Variants in ZNF235 observed in about 807,000 individuals in gnomAD.
ZNF235 encodes zinc finger protein 235, also known as zfp-93.
Under a neutral mutation model 29.4 loss-of-function variants are expected in ZNF235, and 25 were observed. The observed-to-expected ratio is 0.85, with a 90% CI of 0.62 to 1.19. The LOEUF (loss-of-function observed/expected upper bound fraction) is 1.19, where lower values mean the gene tolerates loss of function less well. ZNF235 is among the 50% of genes most tolerant of loss of function. The pLI is 0.00. For synonymous variants in ZNF235, 300 were observed against 295.3 expected (o/e 1.02, Z -0.16); for missense variants, 788 against 885.0 (o/e 0.89, Z 1.39).
In ZNF235 at chr19:44,287,314, T is replaced by C; in HGVS notation, c.2121A>G (p.Gly707=). ...AGACATCACATATGTAAGGCCTCTC[T>C]CCAGTGTGGACTCTCTGGTGTGTGT... is the stretch of plus-strand genomic sequence containing the variant. ...HFHTHQRVHT[G]ERPYICDVCC... The change falls in exon 5 of 5, where the codon GGA becomes GGG. Residue 707 remains glycine (G), a synonymous_variant. Coordinates refer to ENST00000291182, the MANE Select transcript of ZNF235 (RefSeq NM_004234.4). 6.2e-7 allele frequency: 1 copy of C among 1,613,998 alleles called. No individual in the cohort carries two copies. The highest frequency in any genetic ancestry group is 8.5e-7 in the Non-Finnish European group (1 of 1,179,920).
intron 3 of ZNF235, among the ~76,000 whole-genome samples, chr19:44,299,151 T>C (rs141910658): frequency 2.6e-5 from 4 of 152,344 alleles, no homozygotes; most frequent in Non-Finnish European, 4.4e-5. Context: ...TCACATCCCT[T>C]ACGGCAAGCA....
At chr19:44,302,985 T>TATATAAATATATAC (rs1975768933) in intron 2 of ZNF235, among the ~76,000 whole-genome samples, 1 of 133,086 alleles carries the variant, frequency 7.5e-6, no homozygotes, top group African/African-American at 3.0e-5. Context: ...TATATATTTA[T>TATATAAATATATAC]ATATAAATAT....
Position 44,301,520 on chromosome 19 carries a change from G to C in ZNF235, c.16-1788C>G, listed in dbSNP as rs1975736450. ...CAGTCTCACTCTGTCACCCAGGCTG[G>C]AGTGTAGTGGTGTGATCTTGGCTCA... On this transcript the variant is annotated intron_variant, in intron 2 of 4. Coordinates refer to ENST00000291182, the MANE Select transcript of ZNF235 (RefSeq NM_004234.4). Among the ~76,000 whole-genome samples the C allele has an allele frequency of 2.0e-5, 3 of 151,928 alleles. 1 individual carries two copies. In the South Asian group the frequency reaches 6.2e-4, roughly 32 times the overall value.
At chr19:44,300,582 G>A (rs1279074073) in intron 2 of ZNF235, among the ~76,000 whole-genome samples, 1 of 152,116 alleles carries the variant, frequency 6.6e-6, no homozygotes, top group African/African-American at 2.4e-5. Flanking sequence ...GCTCACTTCT[G>A]TAATCCCAGC....
chr19:44,298,364 CAG>C (rs1205237992), intron 4 of ZNF235, among the ~76,000 whole-genome samples: 4 of 151,440 alleles, frequency 2.6e-5, no homozygotes, highest in East Asian at 1.9e-4. Context: ...GGATCTGAAG[CAG>C]AGAGTGACAT....
rs1206746999 is a variant in ZNF235 at position 44,287,356 on chromosome 19, A to G, written c.2079T>C (p.Ser693=). The change falls in exon 5 of 5, where the codon AGT becomes AGC. Residue 693 remains serine, a synonymous_variant. Coordinates refer to ENST00000291182, the MANE Select transcript of ZNF235 (RefSeq NM_004234.4). ...YTCQQCGKGF[S]QASHFHTHQR... ...GGTGTGTGTGAAAATGTGAGGCCTG[A>G]CTGAAGCCCTTCCCACACTGCTGAC... 1 of 1,614,090 alleles carries G rather than the reference A, an allele frequency of 6.2e-7. No homozygotes were observed. Among genetic ancestry groups the G allele is most frequent in the Admixed American group, 1.7e-5 (1 of 60,008 alleles).
At chr19:44,299,482 G>T (rs1193120913) in intron 3 of ZNF235, 124 bp downstream of exon 3, 1 of 1,242,834 alleles carries the variant, frequency 8.0e-7, no homozygotes, top group Non-Finnish European at 1.1e-6. Flanking sequence ...AGAGGCCAGG[G>T]ATGCCACTAA....
intron 4 of ZNF235, 107 bp downstream of exon 4, chr19:44,298,701 A>T: frequency 9.4e-6 from 8 of 848,808 alleles, no homozygotes; most frequent in Non-Finnish European, 1.3e-5. Flanking sequence ...CAACCATGAC[A>T]GATGTTTTTT....
chr19:44,294,647 A>G (rs1313803953), intron 4 of ZNF235, among the ~76,000 whole-genome samples: 1 of 152,174 alleles, frequency 6.6e-6, no homozygotes, highest in Non-Finnish European at 1.5e-5. Flanking sequence ...TCCCTGATGA[A>G]TGTAGATGCA....
Position 44,287,056 on chromosome 19 carries a change from G to T in ZNF235, c.*162C>A. The T allele has an allele frequency of 2.9e-6, 2 of 686,272 alleles. No individual in the cohort carries two copies. The highest frequency in any genetic ancestry group is 4.6e-6 in the Non-Finnish European group (2 of 433,596). The allele number at this position is 686,272 out of a possible 1,614,324, so 42.5% of individuals were successfully genotyped here. On this transcript the variant is annotated 3_prime_UTR_variant, in exon 5 of 5. Transcript: ENST00000291182. ...AATATGACGTTTGTAAAGAATTCAT[G>T]TCCTAACCAAGTCTAAAACACAGCA...
rs1227281687 is a variant in ZNF235, at chr19:44,298,866, C to CA, written c.179dup (p.Leu60PhefsTer18). The CA allele has an allele frequency of 6.2e-7, 1 of 1,613,842 alleles. No homozygotes were observed. The highest frequency in any genetic ancestry group is 1.3e-5 in the African/African-American group (1 of 74,896). On this transcript the variant is annotated frameshift_variant, in exon 4 of 5. Transcript: ENST00000291182. LOFTEE classifies it high-confidence loss of function. ...TCATCCAAAGCTTTTCTTCCCTCTC[C>CA]AACTGGGATATCATATCTGGTTTGA... is the stretch of plus-strand genomic sequence containing the variant.
intron 4 of ZNF235, among the ~76,000 whole-genome samples, chr19:44,297,638 T>C (rs1269205655): frequency 6.6e-6 from 1 of 152,080 alleles, no homozygotes; most frequent in Admixed American, 6.5e-5. Flanking sequence ...TAATTTTGTA[T>C]TTTTAGTAGA....
At chr19:44,304,496 C>CCTA (rs2123111499) in intron 1 of ZNF235, among the ~76,000 whole-genome samples, 2 of 152,326 alleles carry the variant, frequency 1.3e-5, no homozygotes, top group Admixed American at 1.3e-4. Flanking sequence ...AGCTGGATCT[C>CCTA]CTAGACTCAG....
At chr19:44,304,341 C>A (rs915685143) in intron 1 of ZNF235, among the ~76,000 whole-genome samples, 1 of 152,166 alleles carries the variant, frequency 6.6e-6, no homozygotes, top group Non-Finnish European at 1.5e-5. Flanking sequence ...TAATGACGAT[C>A]GCTTATCTGA....
chr19:44,304,963 TGACTCACCTCC>T lies in ZNF235; in HGVS notation c.-52_-49+7del. 1.0e-6 allele frequency: 1 copy of T among 984,388 alleles called. No individual in the cohort carries two copies. The highest frequency in any genetic ancestry group is 1.2e-6 in the Non-Finnish European group (1 of 828,942). 61.0% of individuals were successfully genotyped at this position (984,388 alleles called of 1,614,324 possible). The stretch of plus-strand genomic sequence containing the variant: ...CGGAGAAGTCTTGGAGACCCGGAGC[TGACTCACCTCC>T]CTGGGAGATATCTCAGATCCGACCT... On this transcript the variant is annotated splice_donor_variant and splice_donor_5th_base_variant and 5_prime_UTR_variant and intron_variant, in exon 1 of 5. Transcript: ENST00000291182. LOFTEE classifies it low-confidence loss of function (5UTR_SPLICE).
rs762017152 is a variant in ZNF235 at position 44,288,641 on chromosome 19, C to T, written c.794G>A (p.Gly265Asp). 3 of 1,613,996 alleles carry T rather than the reference C, an allele frequency of 1.9e-6. No homozygotes were observed. The highest frequency in any genetic ancestry group is 1.1e-5 in the South Asian group (1 of 91,042). Residue 265 changes from glycine to aspartate, a missense_variant, in exon 5 of 5, where the codon GGT becomes GAT. Physicochemically the swap from Gly to Asp is moderately conservative, Grantham distance 94. Transcript: ENST00000291182. ...SIHTGQKTYQ[G>D]NECEEAFNDS... is the part of the protein sequence containing the mutation. Reference sequence around the variant, plus strand: ...ATTGAAGGCTTCTTCACATTCATTACCCTGGTAGGTTTTCTGTCCTGTGTG... The same window carrying T: ...ATTGAAGGCTTCTTCACATTCATTATCCTGGTAGGTTTTCTGTCCTGTGTG...
Position 44,287,395 on chromosome 19 carries a change from C to G in ZNF235, c.2040G>C (p.Glu680Asp). The G allele has an allele frequency of 6.2e-7, 1 of 1,613,608 alleles. No individual in the cohort carries two copies. Among genetic ancestry groups the G allele is most frequent in the Non-Finnish European group, 8.5e-7 (1 of 1,179,864 alleles). Residue 680 changes from glutamate to aspartate, a missense_variant, in exon 5 of 5, where the codon GAG becomes GAC. Coordinates refer to ENST00000291182, the MANE Select transcript of ZNF235 (RefSeq NM_004234.4). ...CACACTGCTGACACGTATAGGGTTT[C>G]TCTCCTGTGTGGACCCTCTGATGGG... The part of the protein sequence containing the change: ...LSAHQRVHTG[E>D]KPYTCQQCGK...
rs901325504 is a variant in ZNF235, at chr19:44,288,860, T to C, written c.575A>G (p.Gln192Arg). Residue 192 changes from glutamine to arginine, a missense_variant, in exon 5 of 5, where the codon CAG becomes CGG. Coordinates refer to ENST00000291182, the MANE Select transcript of ZNF235 (RefSeq NM_004234.4). ...CTGCTTACAACTTCTCTGATAATTC[T>C]GTGTCTCATTCAGATATATTTTACT... ...SWSKIYLNETQNYQRSCKQTQ... is the reference protein window; with the variant it reads ...SWSKIYLNETRNYQRSCKQTQ... The C allele has an allele frequency of 2.5e-6, 4 of 1,613,600 alleles. No homozygotes were observed. The highest frequency in any genetic ancestry group is 3.4e-6 in the Non-Finnish European group (4 of 1,179,820).
At chr19:44,293,030 G>A (rs1975605629) in intron 4 of ZNF235, among the ~76,000 whole-genome samples, 1 of 152,052 alleles carries the variant, frequency 6.6e-6, no homozygotes, top group South Asian at 2.1e-4. Context: ...TACTTAGGGA[G>A]TTTGTCACCA....
Sources: allele counts gnomAD v4.1 joint callset (sites outside exome capture counted in the v4.1 genomes callset), GRCh38; gene constraint gnomAD v4.1.1; transcripts MANE v1.5; gene names NCBI Gene and HGNC (gene_info 2026-07-23, HGNC 2026-07-21).